LRRC37A2: variants seen among roughly 807,000 people sequenced by gnomAD.
The protein encoded by LRRC37A2 is leucine rich repeat containing 37 member A2, also known as leucine-rich repeat-containing protein 37A2.
LRRC37A2 carries 9 observed loss-of-function variants against 68.8 expected under a neutral mutation model. The ratio of observed to expected loss-of-function variants is 0.13; its 90% CI spans 0.08 to 0.23. LRRC37A2 has a LOEUF of 0.23. Among genes scored for constraint, LRRC37A2 ranks in the 10% least tolerant of loss-of-function variants. LRRC37A2 has a pLI of 1.00. For missense variants in LRRC37A2, 168 were observed against 950.4 expected (o/e 0.18, Z 10.82); for synonymous variants, 63 against 367.6 (o/e 0.17, Z 9.48).
the LRRC37A2 span, among the ~76,000 whole-genome samples, chr17:47,023,986 G>T: frequency 3.3e-5 from 5 of 152,288 alleles, 1 homozygote; most frequent in South Asian, 1.0e-3. Flanking sequence ...TTGGAAAGGG[G>T]CACACTGGGG....
the LRRC37A2 span, among the ~76,000 whole-genome samples, chr17:46,976,172 C>T: frequency 1.3e-5 from 2 of 151,646 alleles, no homozygotes; most frequent in Admixed American, 1.3e-4. Context: ...GTGATCTGCC[C>T]GCCTCGGCCT....
At chr17:46,792,756 G>A in the LRRC37A2 span, among the ~76,000 whole-genome samples, 3 of 152,200 alleles carry the variant, frequency 2.0e-5, no homozygotes, top group Admixed American at 6.5e-5. Context: ...ACAGGTGTGA[G>A]CCATCACGCC....
the LRRC37A2 span, among the ~76,000 whole-genome samples, chr17:46,769,045 G>A: frequency 1.3e-5 from 2 of 152,224 alleles, no homozygotes. Flanking sequence ...ACGAGTTGTT[G>A]CCCAGGCGCG....
the LRRC37A2 span, among the ~76,000 whole-genome samples, chr17:46,832,402 A>AGG: frequency 1.9e-3 from 151 of 80,442 alleles, 1 homozygote; most frequent in African/African-American, 7.0e-3. Flanking sequence ...GAAAAGAGAG[A>AGG]GGGGGGTGGT....
the LRRC37A2 span, among the ~76,000 whole-genome samples, chr17:46,685,078 C>A: frequency 2.5e-5 from 3 of 120,322 alleles, no homozygotes; most frequent in Admixed American, 3.0e-4. Context: ...AATAGTACTA[C>A]TTAAAACAGA....
the LRRC37A2 span, among the ~76,000 whole-genome samples, chr17:47,029,949 A>G: frequency 1.3e-5 from 2 of 151,606 alleles, no homozygotes; most frequent in East Asian, 1.9e-4. Context: ...TGTAATCCTA[A>G]GTACTCAGGA....
the LRRC37A2 span, among the ~76,000 whole-genome samples, chr17:46,492,088 T>G: frequency 2.7e-5 from 4 of 150,906 alleles, no homozygotes; most frequent in African/African-American, 7.4e-5. Context: ...CTCAGCCTCC[T>G]GAGTGGCTGG....
chr17:46,990,261 G>A, the LRRC37A2 span, among the ~76,000 whole-genome samples: 1 of 152,176 alleles, frequency 6.6e-6, no homozygotes, highest in African/African-American at 2.4e-5. Flanking sequence ...AACCCTGGAC[G>A]CTCCTGTAGT....
At chr17:46,758,584 C>T in the LRRC37A2 span, among the ~76,000 whole-genome samples, 1 of 152,140 alleles carries the variant, frequency 6.6e-6, no homozygotes, top group African/African-American at 2.4e-5. Flanking sequence ...TTATTTTATC[C>T]TTTCTAAATT....
chr17:46,870,998 C>T, the LRRC37A2 span, among the ~76,000 whole-genome samples: 1 of 151,402 alleles, frequency 6.6e-6, no homozygotes, highest in Admixed American at 6.6e-5. Context: ...GCAGCCTCCA[C>T]CTCCCGAGCT....
At chr17:46,753,537 A>T in the LRRC37A2 span, among the ~76,000 whole-genome samples, 1 of 152,068 alleles carries the variant, frequency 6.6e-6, no homozygotes, top group Admixed American at 6.6e-5. Flanking sequence ...ATACAGGTGT[A>T]TTGGCTCTTT....
chr17:46,934,416 G>A, the LRRC37A2 span, among the ~76,000 whole-genome samples: 3 of 152,158 alleles, frequency 2.0e-5, no homozygotes, highest in Non-Finnish European at 2.9e-5. Flanking sequence ...CAGCTACTCA[G>A]AAGGCTGAGG....
chr17:46,585,192 G>A, the LRRC37A2 span, among the ~76,000 whole-genome samples: 14 of 145,468 alleles, frequency 9.6e-5, 1 homozygote, highest in African/African-American at 2.7e-4. Context: ...TGGTGCGTGC[G>A]TGTAAATCTC....
chr17:46,929,443 C>A, the LRRC37A2 span: 1 of 798,632 alleles, frequency 1.3e-6, no homozygotes, highest in Non-Finnish European at 2.3e-6. Flanking sequence ...ATGTTGGCAT[C>A]AGAAAAATTG....
the LRRC37A2 span, among the ~76,000 whole-genome samples, chr17:47,038,488 A>AC: frequency 6.6e-6 from 1 of 151,570 alleles, no homozygotes; most frequent in South Asian, 2.1e-4. Flanking sequence ...GGTGGTGCGC[A>AC]CCTGTCGTCT....
At chr17:46,983,649 G>A in the LRRC37A2 span, among the ~76,000 whole-genome samples, 1 of 152,190 alleles carries the variant, frequency 6.6e-6, no homozygotes. Flanking sequence ...AGTTTGATGT[G>A]TATTAACTCT....
the LRRC37A2 span, among the ~76,000 whole-genome samples, chr17:46,943,202 A>AC: frequency 2.0e-5 from 3 of 152,098 alleles, no homozygotes; most frequent in Non-Finnish European, 2.9e-5. Flanking sequence ...GCAGAGACCA[A>AC]CTAGGGGCAG....
At chr17:46,673,911 GTGTGTGT>G in the LRRC37A2 span, among the ~76,000 whole-genome samples, 216 of 5,486 alleles carry the variant, frequency 0.039, 100 homozygotes, top group Non-Finnish European at 0.18. Context: ...TTCCATGGGG[GTGTGTGT>G]GTGTGTGTGT....
chr17:46,737,704 G>A, the LRRC37A2 span, among the ~76,000 whole-genome samples: 4 of 151,856 alleles, frequency 2.6e-5, no homozygotes, highest in Non-Finnish European at 4.4e-5. Flanking sequence ...TATATGTTAC[G>A]TGGTTCCAGT....
Sources: allele counts gnomAD v4.1 joint callset (sites outside exome capture counted in the v4.1 genomes callset), GRCh38; gene constraint gnomAD v4.1.1; transcripts MANE v1.5; gene names NCBI Gene and HGNC (gene_info 2026-07-23, HGNC 2026-07-21).